DMD: variants seen among roughly 807,000 people sequenced by gnomAD.
The protein encoded by DMD is dystrophin, also known as mutant dystrophin.
DMD carries 63 observed loss-of-function variants against 330.1 expected under a neutral mutation model. The observed-to-expected ratio is 0.19, with a 90% CI of 0.16 to 0.24. The LOEUF is 0.24. DMD is among the 10% of genes least tolerant of loss of function. The probability of loss-of-function intolerance (pLI) is 1.00; values close to 1 mark genes in which losing one functional copy is unlikely to be tolerated. For synonymous variants in DMD, 1,223 were observed against 959.8 expected (o/e 1.27, Z -5.07); for missense variants, 3,344 against 2,684.1 (o/e 1.25, Z -5.43).
intron 9 of DMD, among the ~76,000 whole-genome samples, chrX:32,646,490 G>C (rs1320103033): frequency 9.0e-6 from 1 of 111,133 alleles, no homozygotes; most frequent in East Asian, 2.8e-4. Flanking sequence ...CAAGCACGGG[G>C]CCCCCTAACA....
At chrX:32,494,174 T>C (rs1474890312) in intron 19 of DMD, among the ~76,000 whole-genome samples, 2 of 111,782 alleles carry the variant, frequency 1.8e-5, no homozygotes, top group Non-Finnish European at 3.8e-5. Context: ...TAATGAGTCA[T>C]TGTTGATCAT....
chrX:31,771,819 C>A (rs907872185), intron 51 of DMD, among the ~76,000 whole-genome samples: 1 of 111,427 alleles, frequency 9.0e-6, no homozygotes, highest in Non-Finnish European at 1.9e-5. Flanking sequence ...TAGTTTTTGA[C>A]CTATATTTAA....
chrX:31,731,794 A>G (rs764742637), intron 51 of DMD, among the ~76,000 whole-genome samples: 1 of 111,110 alleles, frequency 9.0e-6, no homozygotes, highest in Non-Finnish European at 1.9e-5. Flanking sequence ...TTTGCTTCTC[A>G]GTTTTAGATA....
chrX:32,389,282 A>T (rs1377122241), intron 32 of DMD, among the ~76,000 whole-genome samples: 2 of 111,915 alleles, frequency 1.8e-5, no homozygotes, highest in African/African-American at 3.2e-5. Flanking sequence ...CACAAGCAAC[A>T]TCCTTTTATA....
intron 44 of DMD, among the ~76,000 whole-genome samples, chrX:31,972,606 A>G (rs924163254): frequency 1.8e-5 from 2 of 111,511 alleles, no homozygotes; most frequent in East Asian, 5.7e-4. Flanking sequence ...AACAGAAGAG[A>G]TAAAATGCAA....
At chrX:33,221,251 AC>A (rs1190961758) in intron 1 of DMD, among the ~76,000 whole-genome samples, 21 of 111,772 alleles carry the variant, frequency 1.9e-4, no homozygotes, top group Non-Finnish European at 3.6e-4. Flanking sequence ...AATAGATTAT[AC>A]CTTGGGTATA....
intron 7 of DMD, among the ~76,000 whole-genome samples, chrX:32,725,158 C>G (rs1429351074): frequency 1.8e-5 from 2 of 111,064 alleles, no homozygotes; most frequent in African/African-American, 6.5e-5. Context: ...TTAAAATAAA[C>G]GTACCAGCAT....
chrX:32,562,514 T>C (rs1349234939), intron 16 of DMD, among the ~76,000 whole-genome samples: 1 of 112,691 alleles, frequency 8.9e-6, no homozygotes, highest in Non-Finnish European at 1.9e-5. Context: ...TCACAATAGG[T>C]TTTAACCATT....
chrX:32,649,917 T>C (rs1328153105), intron 9 of DMD, among the ~76,000 whole-genome samples: 3 of 111,541 alleles, frequency 2.7e-5, no homozygotes, highest in Non-Finnish European at 5.6e-5. Flanking sequence ...TTAGATGAGA[T>C]AGTGCATATA....
intron 43 of DMD, among the ~76,000 whole-genome samples, chrX:32,270,689 A>G (rs1187628635): frequency 9.0e-6 from 1 of 111,618 alleles, no homozygotes; most frequent in East Asian, 2.8e-4. Flanking sequence ...TACCCTTCTG[A>G]GATCTTTAGA....
chrX:32,073,754 A>G (rs2096319812), intron 44 of DMD, among the ~76,000 whole-genome samples: 1 of 111,892 alleles, frequency 8.9e-6, no homozygotes, highest in South Asian at 3.7e-4. Flanking sequence ...ATAATGAACT[A>G]CTGTCATTTT....
At chrX:33,198,181 A>G (rs2051064806) in intron 1 of DMD, among the ~76,000 whole-genome samples, 1 of 111,179 alleles carries the variant, frequency 9.0e-6, no homozygotes, top group African/African-American at 3.3e-5. Flanking sequence ...TGGCTAGTGA[A>G]GCTGAACATC....
At chrX:32,101,646 A>G (rs1334363534) in intron 44 of DMD, among the ~76,000 whole-genome samples, 2 of 112,113 alleles carry the variant, frequency 1.8e-5, no homozygotes, top group African/African-American at 6.5e-5. Context: ...TGAATTGTAA[A>G]TTTAAAACTA....
intron 1 of DMD, among the ~76,000 whole-genome samples, chrX:33,270,268 C>T (rs1603427054): frequency 9.0e-6 from 1 of 110,596 alleles, no homozygotes; most frequent in East Asian, 2.9e-4. Context: ...CCCAAACTAT[C>T]TTTTGAGAGC....
intron 44 of DMD, among the ~76,000 whole-genome samples, chrX:32,161,286 C>G (rs1310093930): frequency 9.0e-6 from 1 of 111,472 alleles, no homozygotes; most frequent in Non-Finnish European, 1.9e-5. Context: ...AATTCTAACT[C>G]CCAAAAAGCT....
intron 12 of DMD, among the ~76,000 whole-genome samples, chrX:32,612,729 A>G (rs1220899269): frequency 9.0e-6 from 1 of 111,364 alleles, no homozygotes; most frequent in Non-Finnish European, 1.9e-5. Context: ...TCTATATGAC[A>G]AGTAATCACA....
At chrX:31,350,064 C>T (rs5927733) in intron 60 of DMD, among the ~76,000 whole-genome samples, 30,017 of 109,820 alleles carry the variant, frequency 0.27, 3,137 homozygotes, top group East Asian at 0.53. Flanking sequence ...GGTTCCCCTA[C>T]AATGCAGGAT....
At chrX:32,402,499 A>C (rs963320694) in intron 30 of DMD, among the ~76,000 whole-genome samples, 1 of 111,059 alleles carries the variant, frequency 9.0e-6, no homozygotes, top group Non-Finnish European at 1.9e-5. Flanking sequence ...CCTGTTCTCA[A>C]CCCATGCCTC....
At chrX:33,259,863 C>T (rs2052925912) in intron 1 of DMD, among the ~76,000 whole-genome samples, 1 of 109,748 alleles carries the variant, frequency 9.1e-6, no homozygotes, top group South Asian at 3.9e-4. Context: ...ACTTACAGTT[C>T]CCCCATATTT....
Sources: gnomAD v4.1 joint callset for allele counts (sites outside exome capture counted in the v4.1 genomes callset) on GRCh38, gnomAD v4.1.1 for gene constraint, MANE v1.5 for transcripts, NCBI Gene and HGNC (gene_info 2026-07-23, HGNC 2026-07-21) for gene names.